PCDHA5: variants seen among roughly 807,000 people sequenced by gnomAD.
The protein encoded by PCDHA5 is protocadherin alpha-5.
PCDHA5 carries 43 observed loss-of-function variants against 61.6 expected under a neutral mutation model. The ratio of observed to expected loss-of-function variants is 0.70; its 90% CI spans 0.55 to 0.90. PCDHA5 has a LOEUF of 0.90. PCDHA5 is among the 40% of genes least tolerant of loss of function. PCDHA5 has a pLI of 0.00. For missense variants in PCDHA5, 1,298 were observed against 1,222.7 expected (o/e 1.06, Z -0.92); for synonymous variants, 627 against 543.9 (o/e 1.15, Z -2.13).
At chr5:140,969,553 G>T in intron 1 of PCDHA5, 1 of 1,229,652 alleles carries the variant, frequency 8.1e-7, no homozygotes, top group Non-Finnish European at 1.1e-6. Flanking sequence ...ATGAAGCCTT[G>T]TCCATAAAAT....
intron 1 of PCDHA5, among the ~76,000 whole-genome samples, chr5:140,908,279 G>T (rs2073895272): frequency 6.6e-6 from 1 of 151,782 alleles, no homozygotes; most frequent in South Asian, 2.1e-4. Flanking sequence ...TGAGGCCATT[G>T]TTGCAAGCTG....
intron 1 of PCDHA5, among the ~76,000 whole-genome samples, chr5:140,873,578 G>A (rs1175903601): frequency 6.8e-5 from 8 of 117,146 alleles, no homozygotes; most frequent in Non-Finnish European, 1.4e-4. Flanking sequence ...GGTTGTTTAA[G>A]TATTAAGCTA....
rs139331486 is a variant in PCDHA5, at chr5:140,836,143, C to T, written c.2352+12016C>T. On this transcript the variant is annotated intron_variant, in intron 1 of 3. Coordinates refer to ENST00000529859, the MANE Select transcript of PCDHA5 (RefSeq NM_018908.3). ...GAGCTTGTGCCGCGGTCTGTGGGCG[C>T]GGGCCATGTGGTGGCGAAGGTACGT... 75 of 1,613,760 alleles carry T rather than the reference C, an allele frequency of 4.6e-5. 1 individual carries two copies. In the African/African-American group the frequency reaches 7.6e-4, roughly 16 times the overall value.
chr5:140,856,559 C>T (rs782226001), intron 1 of PCDHA5: 3 of 1,598,104 alleles, frequency 1.9e-6, no homozygotes, highest in Non-Finnish European at 2.6e-6. Context: ...TACTTACAAA[C>T]TCAGTCCAAA....
At chr5:140,985,981 C>T (rs966841419) in intron 3 of PCDHA5, among the ~76,000 whole-genome samples, 18 of 152,140 alleles carry the variant, frequency 1.2e-4, no homozygotes, top group Middle Eastern at 6.8e-3. Context: ...CCTCGTGATC[C>T]GCCCACCTCA....
intron 1 of PCDHA5, among the ~76,000 whole-genome samples, chr5:140,910,536 C>G (rs1554194300): frequency 1.3e-5 from 2 of 152,168 alleles, no homozygotes; most frequent in African/African-American, 4.8e-5. Flanking sequence ...CCTCACAAAT[C>G]TATTTTGCAA....
In PCDHA5 at chr5:140,877,128, G is replaced by T. The variant is rs782052511; in HGVS notation, c.2352+53001G>T. On this transcript the variant is annotated intron_variant, in intron 1 of 3. Coordinates refer to ENST00000529859, the MANE Select transcript of PCDHA5 (RefSeq NM_018908.3). ...CTCTGGGCAGCAACGTGACGCTGCA[G>T]GTGTTCGTGCTGGACGAGAACGACA... is the stretch of plus-strand genomic sequence containing the variant. 3.1e-6 allele frequency: 5 copies of T among 1,613,644 alleles called. No homozygotes were observed. The African/African-American group carries it at 5.3e-5, about 17-fold the overall frequency.
At chr5:140,910,891 C>T (rs1273456408) in intron 1 of PCDHA5, among the ~76,000 whole-genome samples, 1 of 152,176 alleles carries the variant, frequency 6.6e-6, no homozygotes, top group Admixed American at 6.5e-5. Context: ...ATATCCATTC[C>T]TATGCCTGTC....
At chr5:140,849,658 C>T in intron 1 of PCDHA5, 1 of 1,598,720 alleles carries the variant, frequency 6.3e-7, no homozygotes, top group African/African-American at 1.3e-5. Flanking sequence ...GTTACCTGCT[C>T]CCTGACGCCC....
At chr5:140,950,168 T>C (rs2094454639) in intron 1 of PCDHA5, among the ~76,000 whole-genome samples, 1 of 151,996 alleles carries the variant, frequency 6.6e-6, no homozygotes, top group Non-Finnish European at 1.5e-5. Context: ...TTATGTACTT[T>C]AGAGAATTAA....
At chr5:140,926,053 C>T (rs768010675) in intron 1 of PCDHA5, among the ~76,000 whole-genome samples, 10 of 152,230 alleles carry the variant, frequency 6.6e-5, no homozygotes, top group Non-Finnish European at 1.5e-4. Context: ...CCCCAACCTT[C>T]TTCCCCTCCT....
chr5:140,951,365 A>G (rs987513388), intron 1 of PCDHA5, among the ~76,000 whole-genome samples: 17 of 152,160 alleles, frequency 1.1e-4, no homozygotes, highest in African/African-American at 4.1e-4. Context: ...ACTGTTATAA[A>G]GAAACACCCA....
chr5:140,927,459 A>G (rs2084222098), intron 1 of PCDHA5: 1 of 1,614,018 alleles, frequency 6.2e-7, no homozygotes, highest in Non-Finnish European at 8.5e-7. Flanking sequence ...TGTTGGAGAA[A>G]GCACTGGATC....
chr5:140,874,903 C>A (rs543752012), intron 1 of PCDHA5, among the ~76,000 whole-genome samples: 1 of 152,054 alleles, frequency 6.6e-6, no homozygotes, highest in Non-Finnish European at 1.5e-5. Context: ...TAAAATCTTA[C>A]GATGGAGTGC....
chr5:141,000,304 G>A (rs1225893261), intron 3 of PCDHA5, among the ~76,000 whole-genome samples: 1 of 147,530 alleles, frequency 6.8e-6, no homozygotes, highest in Non-Finnish European at 1.5e-5. Context: ...GAGGCCAGGA[G>A]TTCAAGACCA....
intron 1 of PCDHA5, among the ~76,000 whole-genome samples, chr5:140,899,285 A>T (rs2067252506): frequency 6.6e-6 from 1 of 152,132 alleles, no homozygotes; most frequent in African/African-American, 2.4e-5. Context: ...CAAAGGGAAT[A>T]CTTCCAGTTT....
intron 1 of PCDHA5, chr5:140,967,283 C>T: frequency 6.2e-7 from 1 of 1,613,158 alleles, no homozygotes; most frequent in Non-Finnish European, 8.5e-7. Context: ...AGAGAGTGCG[C>T]AGGACCCCGA....
intron 1 of PCDHA5, among the ~76,000 whole-genome samples, chr5:140,947,600 G>A (rs1328645188): frequency 1.3e-5 from 2 of 151,624 alleles, no homozygotes; most frequent in African/African-American, 4.8e-5. Flanking sequence ...ATTTAGGGAA[G>A]ATTTGGTATC....
At chr5:140,841,119 T>G (rs572378133) in intron 1 of PCDHA5, 1 of 628,942 alleles carries the variant, frequency 1.6e-6, no homozygotes, top group East Asian at 2.8e-5. Flanking sequence ...ATTCATGTAA[T>G]CATTACCTTT....
Sources: allele counts gnomAD v4.1 joint callset (sites outside exome capture counted in the v4.1 genomes callset), GRCh38; gene constraint gnomAD v4.1.1; transcripts MANE v1.5; gene names NCBI Gene and HGNC (gene_info 2026-07-23, HGNC 2026-07-21).